HOMER1: variants seen among roughly 807,000 people sequenced by gnomAD.
HOMER1 encodes the protein homer protein homolog 1.
HOMER1 carries 3 observed loss-of-function variants against 48.9 expected under a neutral mutation model. That is an observed-to-expected ratio of 0.06 (90% CI 0.03 to 0.16). HOMER1 has a LOEUF of 0.16. Among genes scored for constraint, HOMER1 ranks in the 10% least tolerant of loss-of-function variants. HOMER1 has a pLI of 1.00. For synonymous variants in HOMER1, 134 were observed against 146.4 expected (o/e 0.92, Z 0.61); for missense variants, 247 against 411.4 (o/e 0.60, Z 3.46).
At chr5:79,465,345 AG>A (rs1751427738) in intron 1 of HOMER1, among the ~76,000 whole-genome samples, 1 of 152,100 alleles carries the variant, frequency 6.6e-6, no homozygotes, top group South Asian at 2.1e-4. Context: ...TCTTTAAAAA[AG>A]AAAAAAAAAT....
intron 5 of HOMER1, among the ~76,000 whole-genome samples, chr5:79,423,121 A>G (rs937762239): frequency 2.0e-5 from 3 of 152,154 alleles, no homozygotes; most frequent in Non-Finnish European, 4.4e-5. Flanking sequence ...GCAGTATGTA[A>G]AAGTTATTAA....
chr5:79,386,182 C>A (rs921741845), intron 8 of HOMER1, among the ~76,000 whole-genome samples: 7 of 152,074 alleles, frequency 4.6e-5, no homozygotes, highest in Non-Finnish European at 8.8e-5. Context: ...TATCACAGCA[C>A]TATTCACAAT....
At chr5:79,398,887 G>A (rs1344642643) in intron 6 of HOMER1, among the ~76,000 whole-genome samples, 2 of 152,024 alleles carry the variant, frequency 1.3e-5, no homozygotes, top group Admixed American at 6.6e-5. Flanking sequence ...AAAACCACTC[G>A]GACCTAACCG....
intron 1 of HOMER1, among the ~76,000 whole-genome samples, chr5:79,498,873 C>G (rs1021684049): frequency 1.2e-4 from 18 of 145,456 alleles, no homozygotes; most frequent in African/African-American, 3.6e-4. Flanking sequence ...CTCGCTCTGT[C>G]GCCAGGCTGG....
chr5:79,383,360 G>A (rs1749028086), intron 8 of HOMER1, among the ~76,000 whole-genome samples: 1 of 151,048 alleles, frequency 6.6e-6, no homozygotes, highest in Non-Finnish European at 1.5e-5. Context: ...TGGACAGACT[G>A]TACTTAACAG....
chr5:79,441,932 T>C (rs765288587), intron 4 of HOMER1, among the ~76,000 whole-genome samples: 1 of 151,942 alleles, frequency 6.6e-6, no homozygotes, highest in Non-Finnish European at 1.5e-5. Flanking sequence ...TTGTGTGTAA[T>C]TTCCTAAACA....
chr5:79,505,212 T>G (rs1011485349), intron 1 of HOMER1, among the ~76,000 whole-genome samples: 2 of 151,898 alleles, frequency 1.3e-5, no homozygotes, highest in Non-Finnish European at 2.9e-5. Context: ...TGAGCTGAGA[T>G]GGTGCCACTT....
chr5:79,376,824 T>C (rs1006661550), intron 8 of HOMER1, among the ~76,000 whole-genome samples: 6 of 152,118 alleles, frequency 3.9e-5, no homozygotes, highest in African/African-American at 7.2e-5. Flanking sequence ...TTCCAATACA[T>C]TGCAAACCAA....
intron 8 of HOMER1, among the ~76,000 whole-genome samples, chr5:79,378,381 T>C (rs1342438603): frequency 6.6e-6 from 1 of 152,116 alleles, no homozygotes; most frequent in Non-Finnish European, 1.5e-5. Flanking sequence ...TATAATGATT[T>C]TTAAAGGAAG....
chr5:79,392,886 G>C lies in HOMER1; in HGVS notation c.876+3937C>G, dbSNP rs750393214. Among the ~76,000 whole-genome samples, 79 of 151,038 alleles carry C rather than the reference G, an allele frequency of 5.2e-4. 1 individual carries two copies. Among genetic ancestry groups the C allele is most frequent in the Non-Finnish European group, 2.2e-4 (15 of 67,862 alleles). On this transcript the variant is annotated intron_variant, in intron 8 of 8. Transcript: ENST00000334082. ...TACTCTACCTTTTCTGTGTTTAGAT[G>C]TGCTTAGATACAAATACATGAATAC...
chr5:79,428,955 T>C (rs1410017744), intron 5 of HOMER1, among the ~76,000 whole-genome samples: 1 of 152,236 alleles, frequency 6.6e-6, no homozygotes, highest in Non-Finnish European at 1.5e-5. Context: ...ATACAATTTC[T>C]AGGCACTAAA....
intron 2 of HOMER1, among the ~76,000 whole-genome samples, 169 bp downstream of exon 2, chr5:79,456,693 G>C (rs1751185911): frequency 1.3e-5 from 2 of 152,188 alleles, no homozygotes; most frequent in Non-Finnish European, 2.9e-5. Flanking sequence ...TAGTCATTTA[G>C]TGGACAAAAC....
chr5:79,492,245 T>TA (rs913350146), intron 1 of HOMER1, among the ~76,000 whole-genome samples: 8 of 151,496 alleles, frequency 5.3e-5, no homozygotes, highest in East Asian at 1.9e-4. Flanking sequence ...AGTGCCCATA[T>TA]AAAAAAAAAT....
intron 5 of HOMER1, among the ~76,000 whole-genome samples, 162 bp from the exon 6 acceptor site, chr5:79,402,217 G>A (rs1749552345): frequency 6.6e-6 from 1 of 150,962 alleles, no homozygotes; most frequent in Non-Finnish European, 1.5e-5. Flanking sequence ...CCAGGCTGGA[G>A]TGTAGTGGCG....
intron 6 of HOMER1, among the ~76,000 whole-genome samples, chr5:79,400,713 G>A (rs1409234799): frequency 2.4e-4 from 31 of 130,212 alleles, no homozygotes; most frequent in African/African-American, 1.0e-3. Context: ...GCACTTCTAT[G>A]CCTTGAATTA....
At chr5:79,490,735 C>T (rs969395715) in intron 1 of HOMER1, among the ~76,000 whole-genome samples, 1 of 147,328 alleles carries the variant, frequency 6.8e-6, no homozygotes, top group African/African-American at 2.5e-5. Context: ...AGTTTGATTC[C>T]AGCCTGGCCA....
intron 8 of HOMER1, among the ~76,000 whole-genome samples, chr5:79,380,206 A>ACCT (rs1748930370): frequency 6.6e-6 from 1 of 152,060 alleles, no homozygotes; most frequent in South Asian, 2.1e-4. Flanking sequence ...TCATGGGAAA[A>ACCT]TCTCTTGGCT....
At chr5:79,502,021 A>ATTTT (rs10674187) in intron 1 of HOMER1, among the ~76,000 whole-genome samples, 1,918 of 130,014 alleles carry the variant, frequency 0.015, 68 homozygotes, top group South Asian at 0.025. Flanking sequence ...GGTCCTGATA[A>ATTTT]TTTTTTTTTT....
At chr5:79,419,155 T>C (rs1236760949) in intron 5 of HOMER1, among the ~76,000 whole-genome samples, 1 of 152,180 alleles carries the variant, frequency 6.6e-6, no homozygotes, top group East Asian at 1.9e-4. Context: ...ACATCTATCA[T>C]TAATACCTGA....
Sources: allele counts gnomAD v4.1 joint callset (sites outside exome capture counted in the v4.1 genomes callset), GRCh38; gene constraint gnomAD v4.1.1; transcripts MANE v1.5; gene names NCBI Gene and HGNC (gene_info 2026-07-23, HGNC 2026-07-21).